Variants in SUZ12 observed in about 807,000 individuals in gnomAD.
SUZ12 encodes the protein polycomb protein SUZ12.
SUZ12 carries 17 observed loss-of-function variants against 87.3 expected under a neutral mutation model. The ratio of observed to expected loss-of-function variants is 0.19; its 90% confidence interval spans 0.13 to 0.29. SUZ12 has a LOEUF of 0.29. Among genes scored for constraint, SUZ12 ranks in the 10% least tolerant of loss-of-function variants. The pLI, the probability that SUZ12 is intolerant of heterozygous loss-of-function variation, is 1.00. For missense variants in SUZ12, 526 were observed against 912.2 expected (o/e 0.58, Z 5.45); for synonymous variants, 253 against 312.4 (o/e 0.81, Z 2.01).
At chr17:31,938,226 T>C (rs1018406614) in intron 1 of SUZ12, among the ~76,000 whole-genome samples, 9 of 152,244 alleles carry the variant, frequency 5.9e-5, no homozygotes, top group Non-Finnish European at 7.3e-5. Context: ...GAGCAAGGTG[T>C]CTGGAAACAA....
chr17:31,964,777 C>T (rs1176144152), intron 4 of SUZ12, among the ~76,000 whole-genome samples: 1 of 152,084 alleles, frequency 6.6e-6, no homozygotes, highest in Non-Finnish European at 1.5e-5. Flanking sequence ...CCCCATCTTC[C>T]ATGGAAATGT....
intron 4 of SUZ12, among the ~76,000 whole-genome samples, chr17:31,963,560 C>T (rs1378322996): frequency 6.6e-6 from 1 of 151,892 alleles, no homozygotes; most frequent in Non-Finnish European, 1.5e-5. Context: ...TGCAGTGGTG[C>T]GATCTTGGTC....
At chr17:31,976,768 C>T (rs927100776) in intron 8 of SUZ12, among the ~76,000 whole-genome samples, 154 bp downstream of exon 8, 2 of 152,140 alleles carry the variant, frequency 1.3e-5, no homozygotes, top group Non-Finnish European at 2.9e-5. Flanking sequence ...GAATTTTTGT[C>T]TGTTTTATAG....
intron 1 of SUZ12, among the ~76,000 whole-genome samples, chr17:31,937,780 G>T (rs1442967357): frequency 7.6e-6 from 1 of 132,064 alleles, no homozygotes; most frequent in African/African-American, 2.9e-5. Context: ...GGGGCCCCAC[G>T]TTCAGAGCAG....
chr17:31,998,447 G>C (rs147026448), intron 15 of SUZ12, among the ~76,000 whole-genome samples: 1 of 151,462 alleles, frequency 6.6e-6, no homozygotes, highest in East Asian at 1.9e-4. Flanking sequence ...AATGGTACCT[G>C]TTTAAGCTTA....
In SUZ12 at chr17:31,984,085, A is replaced by G. The variant is rs576954384; in HGVS notation, c.1023+981A>G. Among the ~76,000 whole-genome samples, 23 of 152,314 alleles carry G rather than the reference A, an allele frequency of 1.5e-4. No individual in the cohort carries two copies. In the South Asian group the frequency reaches 4.8e-3, roughly 32 times the overall value. On this transcript the variant is annotated intron_variant, in intron 9 of 15. Transcript: ENST00000322652. ...AGTAATACTAAGGGAAATTTTAGAA[A>G]AATATTTTGAGAATTTTTACTTACC...
intron 4 of SUZ12, among the ~76,000 whole-genome samples, chr17:31,948,523 A>G (rs977219250): frequency 5.9e-5 from 9 of 152,162 alleles, no homozygotes; most frequent in Non-Finnish European, 1.2e-4. Flanking sequence ...CAGCTTACGA[A>G]TTTAGATAGG....
At chr17:31,943,663 A>G (rs1395411561) in intron 3 of SUZ12, among the ~76,000 whole-genome samples, 1 of 152,112 alleles carries the variant, frequency 6.6e-6, no homozygotes, top group Non-Finnish European at 1.5e-5. Flanking sequence ...GATTTATTCT[A>G]TAAAACTAGT....
chr17:31,975,448 A>G (rs1174986635), intron 6 of SUZ12, 34 bp from the exon 7 acceptor site: 1 of 1,426,086 alleles, frequency 7.0e-7, no homozygotes. Context: ...CTTATATACA[A>G]ATAAATATAA....
intron 6 of SUZ12, among the ~76,000 whole-genome samples, chr17:31,974,737 T>G (rs1327582774): frequency 6.6e-6 from 1 of 152,222 alleles, no homozygotes; most frequent in Non-Finnish European, 1.5e-5. Context: ...GTTTTCACTT[T>G]ATAGTCTTAT....
intron 4 of SUZ12, among the ~76,000 whole-genome samples, chr17:31,958,522 C>T (rs933755130): frequency 6.6e-6 from 1 of 150,600 alleles, no homozygotes; most frequent in Admixed American, 6.6e-5. Context: ...GCAGCTTGAC[C>T]AACATGGTAA....
At chr17:31,944,049 C>T (rs1906466085) in intron 3 of SUZ12, among the ~76,000 whole-genome samples, 1 of 151,844 alleles carries the variant, frequency 6.6e-6, no homozygotes, top group African/African-American at 2.4e-5. Flanking sequence ...AGGATGCAAC[C>T]TGATCTTAAT....
Position 31,947,604 on chromosome 17 carries a change from C to CT in SUZ12, c.387-12dup, listed in dbSNP as rs1906708082. On this transcript the variant is annotated splice_polypyrimidine_tract_variant and intron_variant, in intron 3 of 15. Coordinates refer to ENST00000322652, the MANE Select transcript of SUZ12 (RefSeq NM_015355.4). ...GTTGAGAAGTGATTATTTTGTTTAT[C>CT]TGTTTCTTCCAGGAAAACATTTAAA... 6.3e-7 allele frequency: 1 copy of CT among 1,595,834 alleles called. No individual in the cohort carries two copies. Among genetic ancestry groups the CT allele is most frequent in the African/African-American group, 1.3e-5 (1 of 74,316 alleles).
chr17:31,998,139 G>A (rs1368152323), intron 15 of SUZ12, among the ~76,000 whole-genome samples: 1 of 150,704 alleles, frequency 6.6e-6, no homozygotes, highest in Non-Finnish European at 1.5e-5. Context: ...GAGTGCAGTG[G>A]TGTGATCTCG....
At chr17:31,965,001 A>C (rs1222502164) in intron 4 of SUZ12, among the ~76,000 whole-genome samples, 5 of 150,310 alleles carry the variant, frequency 3.3e-5, no homozygotes, top group African/African-American at 1.2e-4. Flanking sequence ...GAAAAAGAGG[A>C]GTCCTGGTCA....
chr17:31,966,104 A>G (rs1471122865), intron 4 of SUZ12, 43 bp from the exon 5 acceptor site: 2 of 1,497,508 alleles, frequency 1.3e-6, no homozygotes, highest in South Asian at 1.3e-5. Context: ...ATTTTACTAC[A>G]GAGCATTACA....
At position 32,000,538 on chromosome 17, in the gene SUZ12, A is replaced by T. The variant is rs1267852948; in HGVS notation, c.*1535A>T. The T allele has an allele frequency of 1.7e-5, 4 of 232,354 alleles. No homozygotes were observed. The highest frequency in any genetic ancestry group is 3.4e-5 in the Non-Finnish European group (4 of 117,602). The allele number at this position is 232,354 out of a possible 1,614,324, so 14.4% of individuals were successfully genotyped here. On this transcript the variant is annotated 3_prime_UTR_variant, in exon 16 of 16. Coordinates refer to ENST00000322652, the MANE Select transcript of SUZ12 (RefSeq NM_015355.4). ...ATTCCTTGATTGGTAAGCTCTCCAA[A>T]TGATGAGTTCTAGTAAACTCTGATT...
At chr17:31,957,790 C>G (rs1907445158) in intron 4 of SUZ12, among the ~76,000 whole-genome samples, 1 of 151,770 alleles carries the variant, frequency 6.6e-6, no homozygotes, top group Non-Finnish European at 1.5e-5. Flanking sequence ...AAGTTATCCA[C>G]CAGCCTCAGC....
At chr17:31,982,589 G>T (rs1490281456) in intron 8 of SUZ12, among the ~76,000 whole-genome samples, 1 of 152,190 alleles carries the variant, frequency 6.6e-6, no homozygotes, top group African/African-American at 2.4e-5. Context: ...AACCTGGGCA[G>T]CAGAGATTGT....
Sources: allele counts gnomAD v4.1 joint callset (sites outside exome capture counted in the v4.1 genomes callset), GRCh38; gene constraint gnomAD v4.1.1; transcripts MANE v1.5; gene names NCBI Gene and HGNC (gene_info 2026-07-23, HGNC 2026-07-21).